The following AFAP1L1 variants were observed in gnomAD, a reference collection of about 807,000 sequenced individuals.
The protein encoded by AFAP1L1 is actin filament-associated protein 1-like 1.
In AFAP1L1, 77 loss-of-function variants were observed where a neutral mutation model predicts 99.8. The ratio of observed to expected loss-of-function variants is 0.77; its 90% CI spans 0.64 to 0.93. AFAP1L1 has a LOEUF of 0.93. AFAP1L1 is among the 40% of genes least tolerant of loss of function. The probability of loss-of-function intolerance (pLI) is 0.00; values close to 1 mark genes in which losing one functional copy is unlikely to be tolerated. For missense variants in AFAP1L1, 893 were observed against 996.8 expected, an observed-to-expected ratio of 0.90 and a Z score of 1.40; for synonymous variants, 373 against 395.3, an observed-to-expected ratio of 0.94 and a Z score of 0.67.
At chr5:149,338,270 G>A (rs1475494620) in intron 18 of AFAP1L1, among the ~76,000 whole-genome samples, 1 of 152,008 alleles carries the variant, frequency 6.6e-6, no homozygotes, top group Non-Finnish European at 1.5e-5. Flanking sequence ...GATCAGCCTG[G>A]GCAACATGGC....
chr5:149,287,087 A>T (rs1345363890), intron 1 of AFAP1L1, among the ~76,000 whole-genome samples: 1 of 152,216 alleles, frequency 6.6e-6, no homozygotes, highest in Non-Finnish European at 1.5e-5. Flanking sequence ...ACTGAGTGTT[A>T]GGCACAGAGA....
At chr5:149,288,552 G>A (rs1027357542) in intron 1 of AFAP1L1, among the ~76,000 whole-genome samples, 5 of 152,176 alleles carry the variant, frequency 3.3e-5, no homozygotes, top group Non-Finnish European at 5.9e-5. Flanking sequence ...GGTGCAGGAC[G>A]CTGGATGCGG....
At chr5:149,329,868 G>A (rs995524454) in intron 16 of AFAP1L1, 38 bp downstream of exon 16, 4 of 1,543,340 alleles carry the variant, frequency 2.6e-6, no homozygotes, top group Admixed American at 2.1e-5. Context: ...CCTATGGGTG[G>A]CCAGCTCATC....
At chr5:149,296,752 G>A (rs1337404383) in intron 1 of AFAP1L1, among the ~76,000 whole-genome samples, 1 of 152,164 alleles carries the variant, frequency 6.6e-6, no homozygotes, top group Non-Finnish European at 1.5e-5. Flanking sequence ...TTTTCATGCT[G>A]CTAATAAAGA....
intron 14 of AFAP1L1, among the ~76,000 whole-genome samples, chr5:149,321,053 G>T (rs1396115716): frequency 2.0e-5 from 3 of 152,214 alleles, no homozygotes; most frequent in Admixed American, 1.3e-4. Flanking sequence ...GACGCTGGTG[G>T]GTGGGTCAGG....
At chr5:149,326,545 T>TAAAAAAAA (rs59762007) in intron 15 of AFAP1L1, among the ~76,000 whole-genome samples, 4 of 129,662 alleles carry the variant, frequency 3.1e-5, no homozygotes, top group African/African-American at 6.0e-5. Context: ...TCGCCAAAAA[T>TAAAAAAAA]AAAAAAAAAA....
chr5:149,278,446 A>G (rs1310707511), intron 1 of AFAP1L1, among the ~76,000 whole-genome samples: 2 of 151,838 alleles, frequency 1.3e-5, no homozygotes, highest in Non-Finnish European at 2.9e-5. Context: ...TTGAGCCTCT[A>G]CTCCTTTCTG....
At chr5:149,284,246 C>G (rs352359) in intron 1 of AFAP1L1, among the ~76,000 whole-genome samples, 94,604 of 152,110 alleles carry the variant, frequency 0.62, 30,232 homozygotes, top group East Asian at 0.96. Flanking sequence ...CCAGTCCTTA[C>G]AGGTTGTGCG....
intron 16 of AFAP1L1, among the ~76,000 whole-genome samples, chr5:149,332,185 T>C (rs1757275494): frequency 6.6e-6 from 1 of 152,162 alleles, no homozygotes; most frequent in Non-Finnish European, 1.5e-5. Flanking sequence ...TTACTTGAGA[T>C]CAGCAGTTTG....
chr5:149,310,175 TTC>T (rs766331502), intron 8 of AFAP1L1, 40 bp downstream of exon 8: 2 of 1,532,832 alleles, frequency 1.3e-6, no homozygotes, highest in African/African-American at 2.7e-5. Context: ...TTCTCACCCT[TTC>T]TCTCTTCCCC....
Position 149,312,095 on chromosome 5 carries a change from G to A in AFAP1L1, c.928-17G>A. The stretch of plus-strand genomic sequence containing the variant: ...CTTCCCTGCCCACCCGTTCACAGCT[G>A]TGTGTCCTCTTCACAGGTCATCCGA... On this transcript the variant is annotated splice_polypyrimidine_tract_variant and intron_variant, in intron 8 of 18. Transcript: ENST00000296721. 1 of 1,611,518 alleles carries A rather than the reference G, an allele frequency of 6.2e-7. No individual in the cohort carries two copies. Among genetic ancestry groups the A allele is most frequent in the Non-Finnish European group, 8.5e-7 (1 of 1,178,860 alleles).
At chr5:149,300,425 G>T in intron 3 of AFAP1L1, 71 bp downstream of exon 3, 1 of 1,394,946 alleles carries the variant, frequency 7.2e-7, no homozygotes, top group South Asian at 1.3e-5. Context: ...AGGGTCCCCC[G>T]ACTGGGCTGG....
intron 4 of AFAP1L1, 142 bp from the exon 5 acceptor site, chr5:149,302,276 A>G (rs1253410199): frequency 1.8e-6 from 1 of 551,750 alleles, no homozygotes; most frequent in Admixed American, 3.3e-5. Context: ...CTCGAGTTTT[A>G]CCAGCTCTGT....
chr5:149,309,881 A>C, intron 7 of AFAP1L1, 75 bp from the exon 8 acceptor site: 2 of 1,599,992 alleles, frequency 1.3e-6, no homozygotes, highest in Non-Finnish European at 1.7e-6. Context: ...GCTTCCCCCG[A>C]GCCTTTGTGT....
At chr5:149,281,903 A>AG (rs1462356451) in intron 1 of AFAP1L1, among the ~76,000 whole-genome samples, 2 of 152,206 alleles carry the variant, frequency 1.3e-5, no homozygotes, top group Non-Finnish European at 2.9e-5. Flanking sequence ...TTTATCGATG[A>AG]GGGGGTATAG....
At chr5:149,288,037 G>A (rs562364639) in intron 1 of AFAP1L1, among the ~76,000 whole-genome samples, 4 of 152,138 alleles carry the variant, frequency 2.6e-5, no homozygotes, top group Admixed American at 6.5e-5. Flanking sequence ...CTGTCAGCCC[G>A]GGGAGGTTGA....
intron 4 of AFAP1L1, 78 bp downstream of exon 4, chr5:149,301,308 C>T (rs1756202964): frequency 7.2e-7 from 1 of 1,384,592 alleles, no homozygotes; most frequent in Non-Finnish European, 1.0e-6. Flanking sequence ...CCCCTTCCCA[C>T]TGGGTGCTCT....
intron 1 of AFAP1L1, among the ~76,000 whole-genome samples, chr5:149,283,128 G>A (rs1162293457): frequency 6.6e-6 from 1 of 152,222 alleles, no homozygotes; most frequent in African/African-American, 2.4e-5. Flanking sequence ...TGGGGAAACA[G>A]GTACAAGGAG....
In AFAP1L1 at chr5:149,322,621, C is replaced by G. The variant is rs765027464; in HGVS notation, c.1714C>G (p.Arg572Gly). Residue 572 changes from arginine to glycine, a missense_variant, in exon 15 of 19, where the codon CGC (arginine) becomes GGC (glycine). Arg to Gly is a moderately radical substitution (Grantham distance 125, BLOSUM62 -2). Coordinates refer to ENST00000296721, the MANE Select transcript of AFAP1L1 (RefSeq NM_152406.4). ...CTCCCACCAGGACGAGGAGCCCGAG[C>G]GCCCCACAGGGGCCCAGGTGAAGCG... is the stretch of plus-strand genomic sequence containing the variant. Reference protein sequence around the residue: ...YEKMQDEEPERPTGAQVKRHA... With the variant: ...YEKMQDEEPEGPTGAQVKRHA... 4 of 1,580,092 alleles carry G rather than the reference C, an allele frequency of 2.5e-6. No individual in the cohort carries two copies. The highest frequency in any genetic ancestry group is 3.4e-6 in the Non-Finnish European group (4 of 1,161,768).
Sources: gnomAD v4.1 joint callset for allele counts (sites outside exome capture counted in the v4.1 genomes callset) on GRCh38, gnomAD v4.1.1 for gene constraint, MANE v1.5 for transcripts, NCBI Gene and HGNC (gene_info 2026-07-23, HGNC 2026-07-21) for gene names.